Variants in KCNIP4 observed in about 807,000 individuals in gnomAD.
KCNIP4 encodes Kv channel-interacting protein 4.
A neutral mutation model predicts 34.0 loss-of-function variants in KCNIP4; 12 were observed. The observed-to-expected ratio is 0.35, with a 90% CI of 0.23 to 0.57. The LOEUF (loss-of-function observed/expected upper bound fraction) is 0.57. KCNIP4 is among the 20% of genes least tolerant of loss of function. The probability of loss-of-function intolerance (pLI) is 0.83; values close to 1 mark genes in which losing one functional copy is unlikely to be tolerated. For missense variants in KCNIP4, 238 were observed against 311.7 expected (o/e 0.76, Z 1.78); for synonymous variants, 124 against 102.2 (o/e 1.21, Z -1.29).
chr4:21,108,946 C>T (rs558829570), intron 1 of KCNIP4, among the ~76,000 whole-genome samples: 2 of 152,278 alleles, frequency 1.3e-5, no homozygotes, highest in East Asian at 1.9e-4. Flanking sequence ...GCTGTCTGAT[C>T]ATTCCTCTGG....
At position 21,582,027 on chromosome 4, in the gene KCNIP4, A is replaced by AGAATAGAATAGAATGGAATGGAATG. The variant is rs1741247929; in HGVS notation, c.61+366543_61+366544insCATTCCATTCCATTCTATTCTATTC. On this transcript the variant is annotated intron_variant, in intron 1 of 8. Coordinates refer to ENST00000382152, the MANE Select transcript of KCNIP4 (RefSeq NM_025221.6). ...ATAGAAGAATAGAATAGAATAGAAT[A>AGAATAGAATAGAATGGAATGGAATG]GAATGGAATGGAATGGAATGGAATG... is the stretch of plus-strand genomic sequence containing the variant. 1.5e-4 allele frequency: 17 copies of AGAATAGAATAGAATGGAATGGAATG among 113,170 alleles called. No individual in the cohort carries two copies. In the South Asian group the frequency reaches 3.0e-3, roughly 20 times the overall value. 7.0% of individuals were successfully genotyped at this position (113,170 alleles called of 1,614,324 possible).
At chr4:21,917,603 C>T (rs1286475528) in intron 1 of KCNIP4, among the ~76,000 whole-genome samples, 1 of 151,276 alleles carries the variant, frequency 6.6e-6, no homozygotes, top group Non-Finnish European at 1.5e-5. Flanking sequence ...AGGATTCAAA[C>T]CCTGGACTGT....
intron 1 of KCNIP4, among the ~76,000 whole-genome samples, chr4:21,801,941 A>C (rs1169958238): frequency 1.3e-5 from 2 of 152,050 alleles, no homozygotes; most frequent in African/African-American, 4.8e-5. Context: ...AGAGAACACA[A>C]ACAGAATTCA....
At chr4:20,841,929 G>T (rs183870035) in intron 3 of KCNIP4, among the ~76,000 whole-genome samples, 1 of 151,872 alleles carries the variant, frequency 6.6e-6, no homozygotes, top group South Asian at 2.1e-4. Flanking sequence ...TCCCATGGCC[G>T]TGCCCTTCTT....
intron 1 of KCNIP4, among the ~76,000 whole-genome samples, chr4:21,127,069 T>C (rs1347075195): frequency 6.6e-6 from 1 of 152,138 alleles, no homozygotes; most frequent in Non-Finnish European, 1.5e-5. Flanking sequence ...CATTTGCTAT[T>C]CTCTCTACCT....
At chr4:21,939,784 A>G (rs1466678838) in intron 1 of KCNIP4, among the ~76,000 whole-genome samples, 2 of 152,322 alleles carry the variant, frequency 1.3e-5, no homozygotes, top group Non-Finnish European at 2.9e-5. Flanking sequence ...ATATGGAAAA[A>G]GTGATTTAAA....
At chr4:21,548,179 C>G (rs745409280) in intron 1 of KCNIP4, among the ~76,000 whole-genome samples, 1 of 151,984 alleles carries the variant, frequency 6.6e-6, no homozygotes, top group Non-Finnish European at 1.5e-5. Flanking sequence ...TTAAAAACAC[C>G]AGCAATCAAA....
chr4:21,017,824 C>T (rs1408152240), intron 1 of KCNIP4, among the ~76,000 whole-genome samples: 1 of 152,048 alleles, frequency 6.6e-6, no homozygotes, highest in Non-Finnish European at 1.5e-5. Context: ...TAAAAGTGTT[C>T]CTGTTTCTCC....
At chr4:21,560,170 G>A (rs1739397749) in intron 1 of KCNIP4, among the ~76,000 whole-genome samples, 1 of 151,952 alleles carries the variant, frequency 6.6e-6, no homozygotes, top group African/African-American at 2.4e-5. Flanking sequence ...TACTTTACAA[G>A]CGCCTAAATT....
At chr4:20,941,324 A>G (rs1731616944) in intron 1 of KCNIP4, among the ~76,000 whole-genome samples, 1 of 152,242 alleles carries the variant, frequency 6.6e-6, no homozygotes, top group Non-Finnish European at 1.5e-5. Flanking sequence ...ACTGGTTGCC[A>G]AAGTTTTTCC....
At chr4:20,752,351 G>A (rs114107117) in intron 4 of KCNIP4, among the ~76,000 whole-genome samples, 3,243 of 152,214 alleles carry the variant, frequency 0.021, 107 homozygotes, top group Admixed American at 0.093. Context: ...GAGCCACCAT[G>A]CCCAGCCTTC....
At chr4:20,926,029 T>A (rs2149592900) in intron 1 of KCNIP4, among the ~76,000 whole-genome samples, 1 of 152,350 alleles carries the variant, frequency 6.6e-6, no homozygotes, top group East Asian at 1.9e-4. Flanking sequence ...GATTTGAGAC[T>A]CCGAGAAGGA....
chr4:21,325,810 T>C (rs1276325272), intron 1 of KCNIP4, among the ~76,000 whole-genome samples: 2 of 151,948 alleles, frequency 1.3e-5, no homozygotes, highest in Non-Finnish European at 2.9e-5. Context: ...CTATCATTTG[T>C]TTCAAGAAAT....
chr4:21,285,685 C>T (rs76148117), intron 1 of KCNIP4, among the ~76,000 whole-genome samples: 1 of 150,030 alleles, frequency 6.7e-6, no homozygotes, highest in African/African-American at 2.5e-5. Flanking sequence ...AAAAACAAAA[C>T]AAAAAAAAAG....
chr4:20,941,799 G>T (rs1287962761), intron 1 of KCNIP4, among the ~76,000 whole-genome samples: 2 of 152,164 alleles, frequency 1.3e-5, no homozygotes, highest in Non-Finnish European at 2.9e-5. Context: ...TAGTTGTCCA[G>T]TATATAGAGA....
chr4:21,049,855 G>A (rs961570601), intron 1 of KCNIP4, among the ~76,000 whole-genome samples: 1 of 152,160 alleles, frequency 6.6e-6, no homozygotes, highest in Non-Finnish European at 1.5e-5. Flanking sequence ...TTTAACCTAT[G>A]CCCATGAATT....
chr4:21,681,227 A>C (rs2109024133), intron 1 of KCNIP4, among the ~76,000 whole-genome samples: 1 of 151,934 alleles, frequency 6.6e-6, no homozygotes, highest in Middle Eastern at 3.4e-3. Context: ...TACAGTCTCG[A>C]GTAGCTGGGA....
At chr4:20,797,552 A>G (rs906378287) in intron 3 of KCNIP4, among the ~76,000 whole-genome samples, 4 of 152,346 alleles carry the variant, frequency 2.6e-5, no homozygotes, top group Admixed American at 2.0e-4. Context: ...TGATCTTAAG[A>G]CAGAGAATTT....
intron 1 of KCNIP4, among the ~76,000 whole-genome samples, chr4:21,918,607 A>C (rs1291684295): frequency 6.6e-6 from 1 of 152,180 alleles, no homozygotes; most frequent in Non-Finnish European, 1.5e-5. Context: ...ACCAAGGTAG[A>C]AGAATACTAA....
Sources: gnomAD v4.1 joint callset for allele counts (sites outside exome capture counted in the v4.1 genomes callset) on GRCh38, gnomAD v4.1.1 for gene constraint, MANE v1.5 for transcripts, NCBI Gene and HGNC (gene_info 2026-07-23, HGNC 2026-07-21) for gene names.